NEBL: variants seen among roughly 807,000 people sequenced by gnomAD.
NEBL encodes LIM and SH3 protein 2.
A neutral mutation model predicts 140.2 loss-of-function variants in NEBL; 122 were observed. The ratio of observed to expected loss-of-function variants is 0.87; its 90% CI spans 0.75 to 1.01. The LOEUF (loss-of-function observed/expected upper bound fraction) is 1.01. Ranked by LOEUF, NEBL falls within the 50% of genes least tolerant of loss-of-function variation. NEBL has a pLI of 0.00. For synonymous variants in NEBL, 436 were observed against 398.9 expected, an observed-to-expected ratio of 1.09 and a Z score of -1.11; for missense variants, 1,365 against 1,231.3, an observed-to-expected ratio of 1.11 and a Z score of -1.62.
At chr10:21,076,779 G>A (rs1460541541) in intron 2 of NEBL, among the ~76,000 whole-genome samples, 2 of 152,146 alleles carry the variant, frequency 1.3e-5, no homozygotes, top group African/African-American at 4.8e-5. Flanking sequence ...ATACTTATAT[G>A]AGCCCACTTA....
chr10:21,204,411 CAGT>C (rs1300164768), intron 3 of NEBL, among the ~76,000 whole-genome samples: 1 of 152,160 alleles, frequency 6.6e-6, no homozygotes, highest in African/African-American at 2.4e-5. Flanking sequence ...TAAGAAGAGA[CAGT>C]AGAGACCTTT....
At chr10:21,107,671 C>T (rs561485788) in intron 2 of NEBL, among the ~76,000 whole-genome samples, 10 of 152,094 alleles carry the variant, frequency 6.6e-5, no homozygotes, top group South Asian at 2.1e-4. Context: ...ATCAGGATGA[C>T]GCTAGCCTCA....
At position 20,921,864 on chromosome 10, in the gene NEBL, C is replaced by T. The variant is rs139772258; in HGVS notation, c.357+39808G>A. Among the ~76,000 whole-genome samples the T allele has an allele frequency of 4.0e-4, 61 of 152,254 alleles. No homozygotes were observed. In the Middle Eastern group the frequency reaches 0.01, roughly 25 times the overall value. Reference sequence around the variant, plus strand: ...ATATTTCCACATCCATACATCCACACACTCACATTCATATATACACAAACA... The same window carrying T: ...ATATTTCCACATCCATACATCCACATACTCACATTCATATATACACAAACA... On this transcript the variant is annotated intron_variant, in intron 4 of 6. Coordinates refer to the NEBL transcript ENST00000417816.
chr10:21,292,494 A>G (rs1294081396), intron 1 of NEBL, among the ~76,000 whole-genome samples: 1 of 152,224 alleles, frequency 6.6e-6, no homozygotes, highest in Non-Finnish European at 1.5e-5. Context: ...TGAGAAATTT[A>G]TTGAAATTGA....
At chr10:21,037,606 C>A (rs560460560) in intron 2 of NEBL, among the ~76,000 whole-genome samples, 1 of 152,056 alleles carries the variant, frequency 6.6e-6, no homozygotes, top group Non-Finnish European at 1.5e-5. Flanking sequence ...ATGTTCCATA[C>A]CTTGATTGTG....
chr10:21,288,973 G>A (rs1194545528), intron 1 of NEBL, among the ~76,000 whole-genome samples: 6 of 147,794 alleles, frequency 4.1e-5, no homozygotes, highest in African/African-American at 7.4e-5. Context: ...TCAGCCTCCC[G>A]AGTAGCTGGG....
At chr10:21,001,715 T>C (rs1327535782) in intron 3 of NEBL, among the ~76,000 whole-genome samples, 1 of 152,168 alleles carries the variant, frequency 6.6e-6, no homozygotes, top group Non-Finnish European at 1.5e-5. Flanking sequence ...TATATCCTAC[T>C]GCTCAAGGTC....
chr10:21,030,416 C>T (rs1452050860), intron 2 of NEBL: 1 of 623,984 alleles, frequency 1.6e-6, no homozygotes, highest in East Asian at 4.1e-5. Context: ...AAATGAAACA[C>T]TCAGTAAGGA....
At chr10:21,046,433 A>G (rs12249267) in intron 2 of NEBL, among the ~76,000 whole-genome samples, 268 of 152,366 alleles carry the variant, frequency 1.8e-3, no homozygotes, top group African/African-American at 6.2e-3. Context: ...CATAGTGTAC[A>G]CATGTATCAA....
At chr10:20,914,983 T>TTTTTTTTTTTTG in intron 4 of NEBL, among the ~76,000 whole-genome samples, 10 of 149,240 alleles carry the variant, frequency 6.7e-5, no homozygotes, top group East Asian at 3.9e-4. Flanking sequence ...TTTTTTTTTT[T>TTTTTTTTTTTTG]GGAGAGATGG....
chr10:20,921,355 C>T (rs1321565403), intron 4 of NEBL, among the ~76,000 whole-genome samples: 1 of 152,188 alleles, frequency 6.6e-6, no homozygotes, highest in Non-Finnish European at 1.5e-5. Flanking sequence ...TGAACCTGAG[C>T]ACTGCATCTC....
At chr10:21,115,692 T>A (rs1838253249) in intron 2 of NEBL, among the ~76,000 whole-genome samples, 1 of 152,106 alleles carries the variant, frequency 6.6e-6, no homozygotes, top group African/African-American at 2.4e-5. Flanking sequence ...GTAGTTTTTT[T>A]CACTTTCTTC....
intron 3 of NEBL, among the ~76,000 whole-genome samples, chr10:21,242,823 A>T (rs933144144): frequency 1.3e-5 from 2 of 152,170 alleles, no homozygotes; most frequent in African/African-American, 4.8e-5. Context: ...AAACACCTTT[A>T]TCTAAGGAAG....
intron 4 of NEBL, chr10:20,961,641 C>A (rs771008640): frequency 2.8e-6 from 4 of 1,434,574 alleles, no homozygotes; most frequent in Middle Eastern, 3.5e-4. Context: ...CACATCAGAG[C>A]CATCATGCTA....
intron 3 of NEBL, among the ~76,000 whole-genome samples, chr10:21,181,431 T>G (rs899956030): frequency 4.0e-5 from 6 of 151,294 alleles, no homozygotes; most frequent in African/African-American, 1.5e-4. Flanking sequence ...TATCATATAC[T>G]GTCGGTAAGA....
At chr10:20,823,435 A>G in intron 18 of NEBL, 135 bp from the exon 19 acceptor site, 5 of 627,320 alleles carry the variant, frequency 8.0e-6, no homozygotes, top group Non-Finnish European at 1.1e-5. Context: ...CTGGGGACAT[A>G]ATTCTTAATT....
chr10:21,118,560 G>T (rs1025743671), intron 2 of NEBL, among the ~76,000 whole-genome samples: 10 of 151,998 alleles, frequency 6.6e-5, no homozygotes, highest in African/African-American at 2.4e-4. Context: ...TCTGGGGAAA[G>T]ATTTTCCATA....
At chr10:20,980,617 C>A (rs766255971) in intron 3 of NEBL, among the ~76,000 whole-genome samples, 1 of 152,038 alleles carries the variant, frequency 6.6e-6, no homozygotes, top group Non-Finnish European at 1.5e-5. Context: ...AGCCAGGGGC[C>A]CTAGAACAGA....
At chr10:21,114,054 A>G (rs575840140) in intron 2 of NEBL, among the ~76,000 whole-genome samples, 1 of 152,168 alleles carries the variant, frequency 6.6e-6, no homozygotes, top group South Asian at 2.1e-4. Context: ...TTTTAATGCT[A>G]TTAATTTCCC....
Sources: allele counts gnomAD v4.1 joint callset (sites outside exome capture counted in the v4.1 genomes callset), GRCh38; gene constraint gnomAD v4.1.1; transcripts MANE v1.5; gene names NCBI Gene and HGNC (gene_info 2026-07-23, HGNC 2026-07-21).